Variants in DST observed in about 807,000 individuals in gnomAD.
DST encodes dystonin.
In DST, 253 loss-of-function variants were observed where a neutral mutation model predicts 875.2. The observed-to-expected ratio is 0.29, with a 90% CI of 0.26 to 0.32. The LOEUF is 0.32. DST is among the 10% of genes least tolerant of loss of function. The pLI is 1.00. For missense variants in DST, 8,287 were observed against 9,111.6 expected (o/e 0.91, Z 3.68); for synonymous variants, 3,124 against 3,197.1 (o/e 0.98, Z 0.77).
At chr6:56,706,326 G>GA (rs2099336949) in intron 5 of DST, among the ~76,000 whole-genome samples, 1 of 147,136 alleles carries the variant, frequency 6.8e-6, no homozygotes, top group African/African-American at 2.5e-5. Context: ...AAAAAAAAAA[G>GA]AAAGAAAGAA....
At chr6:56,571,535 A>T (rs1194900624) in intron 53 of DST, among the ~76,000 whole-genome samples, 1 of 152,198 alleles carries the variant, frequency 6.6e-6, no homozygotes, top group Admixed American at 6.5e-5. Flanking sequence ...TTCTAAACTA[A>T]CGTGAGATCA....
intron 50 of DST, among the ~76,000 whole-genome samples, chr6:56,576,032 A>C (rs1390222631): frequency 6.6e-6 from 1 of 152,182 alleles, no homozygotes; most frequent in Non-Finnish European, 1.5e-5. Context: ...TCAACCTCTG[A>C]GGAGGGAAGA....
intron 2 of DST, among the ~76,000 whole-genome samples, chr6:56,925,612 CTT>C (rs1260558387): frequency 6.6e-6 from 1 of 152,006 alleles, no homozygotes; most frequent in Non-Finnish European, 1.5e-5. Context: ...AAATTCCTCT[CTT>C]TGTCTTCCGA....
intron 2 of DST, among the ~76,000 whole-genome samples, chr6:56,947,846 T>C (rs556561571): frequency 1.3e-5 from 2 of 151,668 alleles, no homozygotes; most frequent in South Asian, 4.2e-4. Context: ...TCTACTCAGG[T>C]ACAGTGGACC....
At chr6:56,776,766 T>G (rs1590068393) in intron 4 of DST, among the ~76,000 whole-genome samples, 1 of 152,260 alleles carries the variant, frequency 6.6e-6, no homozygotes, top group Non-Finnish European at 1.5e-5. Context: ...TACACCTAAA[T>G]TATTTATTTT....
intron 2 of DST, among the ~76,000 whole-genome samples, chr6:56,927,206 G>A (rs975901739): frequency 3.9e-5 from 6 of 151,904 alleles, no homozygotes; most frequent in Non-Finnish European, 8.8e-5. Context: ...AGTCATTTCT[G>A]GATTCATTTA....
At position 56,560,624 on chromosome 6, in the gene DST, C is replaced by T. The variant is rs1165212483; in HGVS notation, c.14311-201G>A. The stretch of plus-strand genomic sequence containing the variant: ...GTTCAATTGTGTGATACAGGAATCC[C>T]CACAGAGGAACACTATGACTATGAA... On this transcript the variant is annotated intron_variant, in intron 57 of 103. Coordinates refer to ENST00000680361, the MANE Select transcript of DST (RefSeq NM_001374736.1). Among the ~76,000 whole-genome samples the T allele has an allele frequency of 6.6e-5, 10 of 151,996 alleles. 1 individual carries two copies. The highest frequency in any genetic ancestry group is 4.4e-5 in the Non-Finnish European group (3 of 67,982).
intron 36 of DST, among the ~76,000 whole-genome samples, chr6:56,623,637 A>G (rs974150144): frequency 6.6e-6 from 1 of 152,348 alleles, no homozygotes; most frequent in African/African-American, 2.4e-5. Context: ...ATGGAGTTAC[A>G]TTAAGCATAA....
intron 4 of DST, among the ~76,000 whole-genome samples, chr6:56,741,912 T>C (rs1015204834): frequency 2.0e-5 from 3 of 152,154 alleles, no homozygotes; most frequent in Non-Finnish European, 2.9e-5. Flanking sequence ...GCTGAAAATA[T>C]GTAACGACAA....
At chr6:56,521,954 G>C (rs540935843) in intron 69 of DST, among the ~76,000 whole-genome samples, 1 of 152,028 alleles carries the variant, frequency 6.6e-6, no homozygotes, top group Non-Finnish European at 1.5e-5. Context: ...ATAAAATGTT[G>C]ATAATCTTGG....
chr6:56,629,518 T>C, intron 31 of DST, 75 bp from the exon 32 acceptor site: 1 of 1,111,208 alleles, frequency 9.0e-7, no homozygotes, highest in Non-Finnish European at 1.3e-6. Context: ...TACCTAATTT[T>C]ACAATTTATT....
chr6:56,484,952 GAAT>G (rs2095513593), intron 88 of DST: 1 of 194,822 alleles, frequency 5.1e-6, no homozygotes, highest in Non-Finnish European at 1.0e-5. Flanking sequence ...TCAGGTCACT[GAAT>G]GAATGATTTT....
At chr6:56,551,518 G>A (rs1001053261) in intron 61 of DST, among the ~76,000 whole-genome samples, 6 of 152,088 alleles carry the variant, frequency 3.9e-5, no homozygotes, top group African/African-American at 1.4e-4. Context: ...CCAATGACAC[G>A]GAAACTGGCC....
intron 4 of DST, among the ~76,000 whole-genome samples, chr6:56,839,649 A>C (rs1374629874): frequency 1.3e-5 from 2 of 152,216 alleles, no homozygotes; most frequent in Non-Finnish European, 2.9e-5. Flanking sequence ...AATTCAAGGG[A>C]GTGTCAGAGC....
intron 2 of DST, among the ~76,000 whole-genome samples, chr6:56,923,784 C>T (rs1259372629): frequency 7.2e-5 from 11 of 152,152 alleles, no homozygotes. Flanking sequence ...TTATGGAAGG[C>T]AGTCTACTCA....
chr6:56,710,781 T>C (rs1442207082), intron 5 of DST, among the ~76,000 whole-genome samples: 3 of 152,222 alleles, frequency 2.0e-5, no homozygotes, highest in Non-Finnish European at 4.4e-5. Context: ...AGAATAAAAC[T>C]ACAATTCATA....
rs762703709 is a variant in DST, at chr6:56,670,591, A to G, written c.1214+50T>C. 3.4e-6 allele frequency: 4 copies of G among 1,177,464 alleles called. No homozygotes were observed. The South Asian group carries it at 8.9e-5, about 26-fold the overall frequency. The allele number at this position is 1,177,464 out of a possible 1,614,324, so 72.9% of individuals were successfully genotyped here. ...AGATAATTTTAAAATTCAGAGATGA[A>G]AGAAATGTGTCTTACAGTTGTATAA... On this transcript the variant is annotated intron_variant, in intron 10 of 103. Transcript: ENST00000680361.
At chr6:56,615,311 T>C (rs1429591122) in intron 36 of DST, 4 of 1,383,020 alleles carry the variant, frequency 2.9e-6, no homozygotes, top group Admixed American at 6.0e-5. Context: ...CAAGGCTAAA[T>C]GAAACCATTT....
intron 9 of DST, among the ~76,000 whole-genome samples, chr6:56,687,229 T>C (rs983088445): frequency 6.6e-6 from 1 of 152,208 alleles, no homozygotes. Context: ...TATGTTTCTA[T>C]TAAGATAAAA....
Sources: allele counts gnomAD v4.1 joint callset (sites outside exome capture counted in the v4.1 genomes callset), GRCh38; gene constraint gnomAD v4.1.1; transcripts MANE v1.5; gene names NCBI Gene and HGNC (gene_info 2026-07-23, HGNC 2026-07-21).